Variants in SMARCA2 observed in about 807,000 individuals in gnomAD.
SMARCA2 encodes the protein SWI/SNF related BAF chromatin remodeling complex subunit ATPase 2.
Under a neutral mutation model 199.8 loss-of-function variants are expected in SMARCA2, and 61 were observed. The ratio of observed to expected loss-of-function variants is 0.31; its 90% CI spans 0.25 to 0.38. The LOEUF (loss-of-function observed/expected upper bound fraction) is 0.38. Ranked by LOEUF, SMARCA2 falls within the 10% of genes least tolerant of loss-of-function variation. The pLI, the probability that SMARCA2 is intolerant of heterozygous loss-of-function variation, is 1.00. For synonymous variants in SMARCA2, 935 were observed against 732.0 expected, an observed-to-expected ratio of 1.28 and a Z score of -4.48; for missense variants, 1,344 against 2,012.2, an observed-to-expected ratio of 0.67 and a Z score of 6.35.
chr9:2,086,680 A>T lies in SMARCA2; in HGVS notation c.2527-149A>T, dbSNP rs1821816530. 3 of 784,884 alleles carry T rather than the reference A, an allele frequency of 3.8e-6. No individual in the cohort carries two copies. Among genetic ancestry groups the T allele is most frequent in the Non-Finnish European group, 6.3e-6 (3 of 478,402 alleles). The allele number at this position is 784,884 out of a possible 1,614,324, so 48.6% of individuals were successfully genotyped here. A position where few individuals can be genotyped will look rare whatever the true frequency, so the allele number is the denominator to read the frequency against. On this transcript the variant is annotated intron_variant, in intron 17 of 33. Coordinates refer to ENST00000349721, the MANE Select transcript of SMARCA2 (RefSeq NM_003070.5). The surrounding 1 kb of genome is among the most constrained non-coding windows in gnomAD (Gnocchi z 4.3). ...TTATGCGGCCTATCAGGCATGAGAC[A>T]TTGTTGAGATTCCCTTGTCTCAAAG...
chr9:2,123,355 G>A lies in SMARCA2; in HGVS notation c.3763-364G>A, dbSNP rs1354213218. 1.3e-5 allele frequency among the ~76,000 whole-genome samples: 2 copies of A among 152,080 alleles called. No individual in the cohort carries two copies. Among genetic ancestry groups the A allele is most frequent in the Admixed American group, 1.3e-4 (2 of 15,280 alleles). On this transcript the variant is annotated intron_variant, in intron 26 of 33. Transcript: ENST00000349721. This position sits in a 1 kb window ranked among gnomAD's most constrained non-coding sequence, Gnocchi z 4.1. Reference sequence around the variant, plus strand: ...CAAAGAATAAGTTTCTTCCAGGGAAGCAATGAGTTGTATAGCCAAGAGGTC... The same window carrying A: ...CAAAGAATAAGTTTCTTCCAGGGAAACAATGAGTTGTATAGCCAAGAGGTC...
At chr9:2,062,444 T>C (rs1820637887) in intron 9 of SMARCA2, among the ~76,000 whole-genome samples, 1 of 152,208 alleles carries the variant, frequency 6.6e-6, no homozygotes, top group Non-Finnish European at 1.5e-5. Context: ...AGATTATGGC[T>C]TACAATTAAT....
intron 27 of SMARCA2, among the ~76,000 whole-genome samples, chr9:2,147,367 A>G (rs1013566232): frequency 2.6e-5 from 4 of 152,160 alleles, no homozygotes; most frequent in Non-Finnish European, 5.9e-5. Flanking sequence ...GAAAACATTC[A>G]TTAGGGTGAG....
chr9:2,045,736 T>C (rs1341187731), intron 4 of SMARCA2: 1 of 151,760 alleles, frequency 6.6e-6, no homozygotes, highest in African/African-American at 2.4e-5. Context: ...TGCTGGAAAT[T>C]ACCTGAAGAA....
At chr9:2,105,098 G>C (rs548382073) in intron 23 of SMARCA2, among the ~76,000 whole-genome samples, 8 of 152,202 alleles carry the variant, frequency 5.3e-5, no homozygotes, top group African/African-American at 1.9e-4. Context: ...TTAATTGAAC[G>C]TAATTGGATA....
intron 23 of SMARCA2, among the ~76,000 whole-genome samples, chr9:2,108,268 G>T (rs1212794513): frequency 6.6e-6 from 1 of 152,178 alleles, no homozygotes; most frequent in African/African-American, 2.4e-5. Flanking sequence ...TTACCATGGT[G>T]ACGTATGCAT....
chr9:2,135,371 C>T (rs2130665125), intron 27 of SMARCA2, among the ~76,000 whole-genome samples: 1 of 152,328 alleles, frequency 6.6e-6, no homozygotes, highest in Middle Eastern at 3.4e-3. Context: ...AACAACCTTA[C>T]AGACACATCA....
intron 9 of SMARCA2, among the ~76,000 whole-genome samples, chr9:2,061,750 T>C (rs1422542438): frequency 6.6e-6 from 1 of 152,222 alleles, no homozygotes; most frequent in East Asian, 1.9e-4. Flanking sequence ...ATTGTAAAGG[T>C]TGAGGATTGG....
chr9:2,168,585 G>A (rs934548716), intron 28 of SMARCA2, among the ~76,000 whole-genome samples: 4 of 152,086 alleles, frequency 2.6e-5, no homozygotes, highest in African/African-American at 9.7e-5. Flanking sequence ...TTACTGTGTC[G>A]AAGGCTTTCC....
intron 11 of SMARCA2, 70 bp from the exon 12 acceptor site, chr9:2,073,496 C>T (rs1431346763): frequency 6.9e-7 from 1 of 1,455,804 alleles, no homozygotes; most frequent in African/African-American, 1.4e-5. Flanking sequence ...GCTATTAAGT[C>T]ATGTGTGTCT....
chr9:2,031,646 A>G (rs1819075498), intron 2 of SMARCA2, among the ~76,000 whole-genome samples: 2 of 151,590 alleles, frequency 1.3e-5, no homozygotes, highest in East Asian at 1.9e-4. Context: ...TATTCTCTCT[A>G]CCCTCTTAAA....
In SMARCA2 at chr9:2,086,009, C is replaced by T. The variant is rs1245803739; in HGVS notation, c.2527-820C>T. 2 of 152,180 alleles carry T rather than the reference C, an allele frequency of 1.3e-5. No homozygotes were observed. The highest frequency in any genetic ancestry group is 6.5e-5 in the Admixed American group (1 of 15,280). The allele number at this position is 152,180 out of a possible 1,614,324, so 9.4% of individuals were successfully genotyped here. On this transcript the variant is annotated intron_variant, in intron 17 of 33. Coordinates refer to ENST00000349721, the MANE Select transcript of SMARCA2 (RefSeq NM_003070.5). This position sits in a 1 kb window ranked among gnomAD's most constrained non-coding sequence, Gnocchi z 4.3. Reference sequence around the variant, plus strand: ...GACTGGGCCATATAAGCATTCTGGACGTTTTACGCAATCGTCATGTTGGGG... The same window carrying T: ...GACTGGGCCATATAAGCATTCTGGATGTTTTACGCAATCGTCATGTTGGGG...
intron 29 of SMARCA2, among the ~76,000 whole-genome samples, chr9:2,174,444 A>G (rs1162403736): frequency 1.3e-5 from 2 of 152,172 alleles, no homozygotes; most frequent in Non-Finnish European, 2.9e-5. Flanking sequence ...AGGATTTATT[A>G]CAACAGCCAT....
intron 8 of SMARCA2, among the ~76,000 whole-genome samples, chr9:2,059,764 C>T (rs1820504696): frequency 6.6e-6 from 1 of 152,174 alleles, no homozygotes; most frequent in Non-Finnish European, 1.5e-5. Context: ...GATGAAGCTG[C>T]TGTCACTCAG....
intron 27 of SMARCA2, among the ~76,000 whole-genome samples, chr9:2,125,546 A>G (rs189795020): frequency 9.3e-5 from 14 of 150,462 alleles, no homozygotes; most frequent in African/African-American, 3.2e-4. Flanking sequence ...CTATAGTGCA[A>G]TGGTGTGGTC....
intron 31 of SMARCA2, among the ~76,000 whole-genome samples, chr9:2,184,884 A>G (rs1050242925): frequency 3.9e-5 from 6 of 151,962 alleles, no homozygotes; most frequent in Admixed American, 2.0e-4. Context: ...TTGTTCTGTC[A>G]TACTCATACT....
At chr9:2,154,364 A>G (rs1427095353) in intron 27 of SMARCA2, among the ~76,000 whole-genome samples, 5 of 152,028 alleles carry the variant, frequency 3.3e-5, no homozygotes, top group East Asian at 1.9e-4. Flanking sequence ...AGTTGGGGCT[A>G]TTTTTTTCTA....
chr9:2,159,889 C>G, intron 27 of SMARCA2: 1 of 1,611,820 alleles, frequency 6.2e-7, no homozygotes. Context: ...TTCTGATAGC[C>G]GGCCTGCTGA....
At chr9:2,122,892 T>C (rs1214183914) in intron 26 of SMARCA2, among the ~76,000 whole-genome samples, 3 of 152,198 alleles carry the variant, frequency 2.0e-5, no homozygotes, top group Non-Finnish European at 2.9e-5. Context: ...TGTTTAGTTA[T>C]AGATTAAAGC....
Sources: gnomAD v4.1 joint callset for allele counts (sites outside exome capture counted in the v4.1 genomes callset) on GRCh38, gnomAD v4.1.1 for gene constraint, Gnocchi (gnomAD v3.1) non-coding constraint, MANE v1.5 for transcripts, NCBI Gene and HGNC (gene_info 2026-07-23, HGNC 2026-07-21) for gene names.